The following ICA1L variants were observed in gnomAD, a reference collection of about 807,000 sequenced individuals.
The protein encoded by ICA1L is islet cell autoantigen 1 like, also known as islet cell autoantigen 1-like protein.
Under a neutral mutation model 61.3 loss-of-function variants are expected in ICA1L, and 50 were observed. The observed-to-expected ratio is 0.82, with a 90% CI of 0.65 to 1.03. The LOEUF (loss-of-function observed/expected upper bound fraction) is 1.03. Among genes scored for constraint, ICA1L ranks in the 50% least tolerant of loss-of-function variants. ICA1L has a pLI of 0.00. For missense variants in ICA1L, 508 were observed against 556.7 expected, an observed-to-expected ratio of 0.91 and a Z score of 0.88; for synonymous variants, 161 against 191.3, an observed-to-expected ratio of 0.84 and a Z score of 1.31.
At chr2:202,858,999 C>T (rs760572030) in intron 1 of ICA1L, among the ~76,000 whole-genome samples, 22 of 152,202 alleles carry the variant, frequency 1.4e-4, no homozygotes, top group Non-Finnish European at 2.1e-4. Context: ...ACTTTAAAGG[C>T]TCTGCCTAAT....
intron 1 of ICA1L, among the ~76,000 whole-genome samples, chr2:202,854,387 T>C (rs1383027333): frequency 6.6e-6 from 1 of 152,140 alleles, no homozygotes; most frequent in Non-Finnish European, 1.5e-5. Flanking sequence ...CCCAGATTCA[T>C]AAAACAAGTT....
intron 12 of ICA1L, among the ~76,000 whole-genome samples, chr2:202,781,868 CCTA>C (rs776929774): frequency 2.0e-5 from 3 of 152,116 alleles, no homozygotes; most frequent in Non-Finnish European, 4.4e-5. Flanking sequence ...AATTTACACT[CCTA>C]CACGCAGTTT....
rs1193925372 is a variant in ICA1L, at chr2:202,785,998, G to A, written c.1253C>T (p.Ser418Phe). The A allele has an allele frequency of 1.2e-6, 2 of 1,601,000 alleles. No homozygotes were observed. The highest frequency in any genetic ancestry group is 1.7e-6 in the Non-Finnish European group (2 of 1,169,690). ...AAGACAAAGTTCTGATTCCTCTTGGGAGACCCAGTCTGGGATAAAAGAAGT... is the reference window on the plus strand; with the variant it reads ...AAGACAAAGTTCTGATTCCTCTTGGAAGACCCAGTCTGGGATAAAAGAAGT... ...HVAGAFNNWV[S>F]QEESELCLSH... is the part of the protein sequence containing the mutation. The change falls in exon 12 of 13, where the codon TCC (serine) becomes TTC (phenylalanine). Residue 418 changes from serine (S) to phenylalanine (F), a missense_variant. Physicochemically the swap from Ser to Phe is radical, Grantham distance 155. Coordinates refer to ENST00000358299, the MANE Select transcript of ICA1L (RefSeq NM_001288622.3).
chr2:202,822,972 T>A (rs1427544865), intron 3 of ICA1L, among the ~76,000 whole-genome samples: 1 of 152,206 alleles, frequency 6.6e-6, no homozygotes, highest in Non-Finnish European at 1.5e-5. Flanking sequence ...TTGAGAGATG[T>A]ACAGTTTACA....
chr2:202,803,219 C>T (rs926091057), intron 9 of ICA1L, among the ~76,000 whole-genome samples: 5 of 151,726 alleles, frequency 3.3e-5, no homozygotes, highest in Admixed American at 6.6e-5. Context: ...ACCAGCCTGG[C>T]CAACATGGCC....
chr2:202,782,486 C>T (rs1171114679), intron 12 of ICA1L, among the ~76,000 whole-genome samples: 1 of 151,750 alleles, frequency 6.6e-6, no homozygotes, highest in Non-Finnish European at 1.5e-5. Context: ...CAGCTCACTG[C>T]AACCTCTACC....
intron 1 of ICA1L, among the ~76,000 whole-genome samples, chr2:202,838,421 G>T (rs1379249151): frequency 6.6e-6 from 1 of 152,174 alleles, no homozygotes; most frequent in African/African-American, 2.4e-5. Flanking sequence ...GGAATGTTCT[G>T]CATATATATG....
In ICA1L at chr2:202,778,276, A is replaced by G. The variant is rs1384879983; in HGVS notation, c.*1257T>C. ...TTGCTTCAAAATTAAAGGGTGGGCA[A>G]TTTAAAAGGACAGGAAATTGAGTGA... On this transcript the variant is annotated 3_prime_UTR_variant, in exon 13 of 13. Transcript: ENST00000358299. The G allele has an allele frequency of 2.6e-5, 4 of 152,196 alleles. No homozygotes were observed. Among genetic ancestry groups the G allele is most frequent in the African/African-American group, 9.6e-5 (4 of 41,466 alleles). 9.4% of individuals were successfully genotyped at this position (152,196 alleles called of 1,614,324 possible). A position where few individuals can be genotyped will look rare whatever the true frequency, so the allele number is the denominator to read the frequency against.
intron 6 of ICA1L, among the ~76,000 whole-genome samples, chr2:202,816,478 C>CA (rs1264167082): frequency 6.6e-6 from 1 of 152,044 alleles, no homozygotes; most frequent in Non-Finnish European, 1.5e-5. Context: ...AAAGATTTGC[C>CA]AAAAAATGTG....
At chr2:202,829,461 T>G (rs1161192481) in intron 1 of ICA1L, among the ~76,000 whole-genome samples, 1 of 152,232 alleles carries the variant, frequency 6.6e-6, no homozygotes, top group Non-Finnish European at 1.5e-5. Context: ...AAATGTAATT[T>G]TTTTTTAGAG....
At chr2:202,839,443 G>A (rs973570496) in intron 1 of ICA1L, among the ~76,000 whole-genome samples, 5 of 148,132 alleles carry the variant, frequency 3.4e-5, no homozygotes, top group African/African-American at 1.2e-4. Flanking sequence ...AGCTTGCAGT[G>A]AGCCAAGAGT....
Position 202,789,047 on chromosome 2 carries a change from A to C in ICA1L, c.1026T>G (p.Asp342Glu). The change falls in exon 11 of 13, where the codon GAT becomes GAG. Residue 342 changes from aspartate to glutamate, a missense_variant. Coordinates refer to ENST00000358299, the MANE Select transcript of ICA1L (RefSeq NM_001288622.3). ...TCAGAAATGAGAATTCCTTCTCAAA[A>C]TCTTCTCCTTCCAATGAATCTACAG... ...DLPVDSLEGE[D>E]FEKEFSFLNN... is the part of the protein sequence containing the mutation. 1 of 1,612,632 alleles carries C rather than the reference A, an allele frequency of 6.2e-7. No homozygotes were observed. Among genetic ancestry groups the C allele is most frequent in the Non-Finnish European group, 8.5e-7 (1 of 1,178,950 alleles).
At chr2:202,831,214 G>A (rs1418369854) in intron 1 of ICA1L, among the ~76,000 whole-genome samples, 1 of 152,140 alleles carries the variant, frequency 6.6e-6, no homozygotes, top group Non-Finnish European at 1.5e-5. Flanking sequence ...CCATTTAATT[G>A]CCAAACCTCT....
intron 1 of ICA1L, among the ~76,000 whole-genome samples, chr2:202,833,560 G>C (rs1360819995): frequency 1.3e-5 from 2 of 152,008 alleles, no homozygotes; most frequent in Admixed American, 1.3e-4. Context: ...ACTCCAGCCT[G>C]GGCGACAGAG....
chr2:202,837,642 G>A (rs974098864), intron 1 of ICA1L, among the ~76,000 whole-genome samples: 1 of 151,752 alleles, frequency 6.6e-6, no homozygotes, highest in African/African-American at 2.4e-5. Flanking sequence ...TTTCTGCTCT[G>A]ATATTTATGA....
chr2:202,825,556 G>T, intron 3 of ICA1L, 139 bp downstream of exon 3: 3 of 1,348,808 alleles, frequency 2.2e-6, no homozygotes, highest in Non-Finnish European at 2.9e-6. Flanking sequence ...GGGCCTTTGA[G>T]AACAGGTAAC....
At chr2:202,815,336 C>T (rs1322476291) in intron 7 of ICA1L, among the ~76,000 whole-genome samples, 2 of 152,192 alleles carry the variant, frequency 1.3e-5, no homozygotes, top group Non-Finnish European at 2.9e-5. Flanking sequence ...CCACATCCAG[C>T]TTGAACAAAC....
In ICA1L at chr2:202,821,507, A is replaced by C. The variant is rs1005453883; in HGVS notation, c.236-26T>G. 1.9e-6 allele frequency: 3 copies of C among 1,555,646 alleles called. No homozygotes were observed. The African/African-American group carries it at 4.1e-5, about 21-fold the overall frequency. ...CTAGGAAAAAAATTACAGTGTAGTT[A>C]ATTGTTTCCTTTCATCATTTGTTTA... On this transcript the variant is annotated intron_variant, in intron 3 of 12. Coordinates refer to ENST00000358299, the MANE Select transcript of ICA1L (RefSeq NM_001288622.3).
At chr2:202,795,692 A>AAT (rs1692904167) in intron 10 of ICA1L, among the ~76,000 whole-genome samples, 1 of 152,186 alleles carries the variant, frequency 6.6e-6, no homozygotes, top group African/African-American at 2.4e-5. Context: ...TAGAAAAAGA[A>AAT]ATATAGTATA....
Sources: allele counts gnomAD v4.1 joint callset (sites outside exome capture counted in the v4.1 genomes callset), GRCh38; gene constraint gnomAD v4.1.1; transcripts MANE v1.5; gene names NCBI Gene and HGNC (gene_info 2026-07-23, HGNC 2026-07-21).